Variants in ZSCAN1 observed in about 807,000 individuals in gnomAD.
ZSCAN1 encodes the protein zinc finger and SCAN domain containing 1.
In ZSCAN1, 23 loss-of-function variants were observed where a neutral mutation model predicts 23.8. That is an observed-to-expected ratio of 0.97 (90% CI 0.70 to 1.37). The LOEUF (loss-of-function observed/expected upper bound fraction) is 1.37. Ranked by LOEUF, ZSCAN1 falls within the 40% of genes most tolerant of loss-of-function variation. The pLI is 0.00. For synonymous variants in ZSCAN1, 236 were observed against 232.3 expected (o/e 1.02, Z -0.15); for missense variants, 575 against 554.0 (o/e 1.04, Z -0.38).
At chr19:58,051,215 G>A (rs2073856816) in intron 4 of ZSCAN1, among the ~76,000 whole-genome samples, 1 of 152,140 alleles carries the variant, frequency 6.6e-6, no homozygotes, top group South Asian at 2.1e-4. Context: ...GTGAAGTAGG[G>A]AAGAGCCTGA....
chr19:58,055,959 T>G (rs888636360), downstream of ZSCAN1, among the ~76,000 whole-genome samples: 17 of 152,084 alleles, frequency 1.1e-4, no homozygotes, highest in Non-Finnish European at 2.5e-4. Flanking sequence ...GCAAACTGCC[T>G]CCCCTCTGGG....
At position 58,045,105 on chromosome 19, in the gene ZSCAN1, C is replaced by A; in HGVS notation, c.465+4561C>A. ...CCATGGCTTCCGCCTGCTACGGATCCACACCAAGATCGCAGCACGCATGCT... is the reference window on the plus strand; with the variant it reads ...CCATGGCTTCCGCCTGCTACGGATCAACACCAAGATCGCAGCACGCATGCT... On this transcript the variant is annotated intron_variant, in intron 4 of 5. Coordinates refer to ENST00000282326, the MANE Select transcript of ZSCAN1 (RefSeq NM_182572.4). The surrounding 1 kb of genome is among the most constrained non-coding windows in gnomAD (Gnocchi z 4.3). The A allele has an allele frequency of 8.0e-7, 1 of 1,247,110 alleles. No homozygotes were observed. Among genetic ancestry groups the A allele is most frequent in the Non-Finnish European group, 1.2e-6 (1 of 849,282 alleles). The allele number at this position is 1,247,110 out of a possible 1,614,324, so 77.3% of individuals were successfully genotyped here.
At chr19:58,050,624 G>A (rs564896532) in intron 4 of ZSCAN1, among the ~76,000 whole-genome samples, 36 of 151,540 alleles carry the variant, frequency 2.4e-4, no homozygotes, top group Admixed American at 4.6e-4. Context: ...GGGTTCAAAC[G>A]ATTCTCCTGC....
intron 2 of ZSCAN1, among the ~76,000 whole-genome samples, chr19:58,036,515 CTTTTTTTT>C (rs66483587): frequency 3.2e-5 from 3 of 93,438 alleles, no homozygotes; most frequent in Non-Finnish European, 6.5e-5. Flanking sequence ...TTTTTCTTTT[CTTTTTTTT>C]TTTTTTTTTT....
intron 5 of ZSCAN1, among the ~76,000 whole-genome samples, chr19:58,052,897 C>G (rs1229659050): frequency 2.0e-5 from 3 of 151,948 alleles, no homozygotes; most frequent in Non-Finnish European, 4.4e-5. Context: ...CACGGGGTTA[C>G]CCAGAGGGCC....
At position 58,045,685 on chromosome 19, in the gene ZSCAN1, G is replaced by A. The variant is rs2073820740; in HGVS notation, c.465+5141G>A. 3.2e-6 allele frequency: 3 copies of A among 930,004 alleles called. No homozygotes were observed. The highest frequency in any genetic ancestry group is 5.4e-6 in the Non-Finnish European group (3 of 560,176). 57.6% of individuals were successfully genotyped at this position (930,004 alleles called of 1,614,324 possible). ...AGGGGTGGACAGCCTGAACGTCAAG[G>A]AGCTGCAGGCGGCATGTCGGGCACG... On this transcript the variant is annotated intron_variant, in intron 4 of 5. Transcript: ENST00000282326. The surrounding 1 kb of genome is among the most constrained non-coding windows in gnomAD (Gnocchi z 4.3).
At chr19:58,036,352 A>G (rs2073736207) in intron 2 of ZSCAN1, among the ~76,000 whole-genome samples, 1 of 152,180 alleles carries the variant, frequency 6.6e-6, no homozygotes, top group Admixed American at 6.5e-5. Flanking sequence ...GTGCCAATTT[A>G]TATTCTCACC....
Position 58,053,498 on chromosome 19 carries a change from C to T in ZSCAN1, c.674C>T (p.Ser225Phe). The stretch of plus-strand genomic sequence containing the variant: ...CCTGAGGACCTTCTCGCAGGGCCCT[C>T]CTCAGACCTGCGGGCAGAAGGGACT... The part of the protein sequence containing the change: ...DEPEDLLAGP[S>F]SDLRAEGTVI... The change falls in exon 6 of 6, where the codon TCC becomes TTC. Residue 225 changes from serine (S) to phenylalanine (F), a missense_variant. Transcript: ENST00000282326. This position sits in a 1 kb window ranked among gnomAD's most constrained non-coding sequence, Gnocchi z 5.8. 5 of 1,614,130 alleles carry T rather than the reference C, an allele frequency of 3.1e-6. No homozygotes were observed. The highest frequency in any genetic ancestry group is 4.2e-6 in the Non-Finnish European group (5 of 1,180,036).
chr19:58,051,033 C>T (rs1207212499), intron 4 of ZSCAN1, among the ~76,000 whole-genome samples: 4 of 152,126 alleles, frequency 2.6e-5, no homozygotes, highest in Admixed American at 6.5e-5. Context: ...CAGATAGGGC[C>T]CCGGGAATGT....
chr19:58,046,363 G>A lies in ZSCAN1; in HGVS notation c.465+5819G>A, dbSNP rs1371748221. ...GACTGGTGAAGAAAAATACATGGAA[G>A]GATCTAAAGCCAGCAAGAGATTGAC... On this transcript the variant is annotated intron_variant, in intron 4 of 5. Coordinates refer to ENST00000282326, the MANE Select transcript of ZSCAN1 (RefSeq NM_182572.4). 4.3e-6 allele frequency: 4 copies of A among 930,426 alleles called. No homozygotes were observed. The African/African-American group carries it at 6.5e-5, about 15-fold the overall frequency. The allele number at this position is 930,426 out of a possible 1,614,324, so 57.6% of individuals were successfully genotyped here. A position where few individuals can be genotyped will look rare whatever the true frequency, so the allele number is the denominator to read the frequency against.
rs373533895 is a variant in ZSCAN1 at position 58,053,419 on chromosome 19, C to A, written c.605-10C>A. ...CACTACAGGTGACCCATCTCCCTCG[C>A]CCTCCACAGGGTCCCGGGCCCGCTT... On this transcript the variant is annotated splice_polypyrimidine_tract_variant and intron_variant, in intron 5 of 5. Coordinates refer to ENST00000282326, the MANE Select transcript of ZSCAN1 (RefSeq NM_182572.4). This position sits in a 1 kb window ranked among gnomAD's most constrained non-coding sequence, Gnocchi z 5.8. 1.9e-6 allele frequency: 3 copies of A among 1,601,760 alleles called. No homozygotes were observed. The highest frequency in any genetic ancestry group is 2.6e-6 in the Non-Finnish European group (3 of 1,172,006).
In ZSCAN1 at chr19:58,045,918, A is replaced by G. The variant is rs754058424; in HGVS notation, c.465+5374A>G. On this transcript the variant is annotated intron_variant, in intron 4 of 5. Coordinates refer to ENST00000282326, the MANE Select transcript of ZSCAN1 (RefSeq NM_182572.4). The surrounding 1 kb of genome is among the most constrained non-coding windows in gnomAD (Gnocchi z 4.3). ...TTGTGGCAAAGGAAGCACAGGTGAA[A>G]GTGGCCGAGGTGGAGGGCAAGCAGG... 25 of 962,842 alleles carry G rather than the reference A, an allele frequency of 2.6e-5. No individual in the cohort carries two copies. The highest frequency in any genetic ancestry group is 4.1e-5 in the Non-Finnish European group (24 of 592,000). 59.6% of individuals were successfully genotyped at this position (962,842 alleles called of 1,614,324 possible). A position where few individuals can be genotyped will look rare whatever the true frequency, so the allele number is the denominator to read the frequency against.
chr19:58,042,405 C>A (rs886868606), intron 4 of ZSCAN1, among the ~76,000 whole-genome samples: 1 of 151,802 alleles, frequency 6.6e-6, no homozygotes, highest in Non-Finnish European at 1.5e-5. Flanking sequence ...CTACAGGCGC[C>A]CGCCACCTCC....
At position 58,052,606 on chromosome 19, in the gene ZSCAN1, G is replaced by T. The variant is rs747742044; in HGVS notation, c.582G>T (p.Ala194=). The change falls in exon 5 of 6, where the codon GCG becomes GCT. Residue 194 remains alanine, a synonymous_variant. Transcript: ENST00000282326. ...TGCACACCAGGGCGGAGGCCGAAGC[G>T]CCCCGCGCCCCTGGCTTGCTGGGTG... ...QSLHTRAEAE[A]PRAPGLLGSR... The T allele has an allele frequency of 3.4e-5, 55 of 1,606,480 alleles. No homozygotes were observed. The highest frequency in any genetic ancestry group is 4.4e-5 in the Non-Finnish European group (52 of 1,175,952).
chr19:58,055,269 T>C (rs2073883936), downstream of ZSCAN1, among the ~76,000 whole-genome samples: 1 of 152,124 alleles, frequency 6.6e-6, no homozygotes, highest in East Asian at 1.9e-4. Context: ...TCTCGGCCTC[T>C]GTCCCCGATG....
At chr19:58,046,192 G>A in intron 4 of ZSCAN1, 1 of 757,438 alleles carries the variant, frequency 1.3e-6, no homozygotes, top group Non-Finnish European at 2.5e-6. Context: ...GACTAAGGAG[G>A]AGATCAGCAT....
chr19:58,040,731 C>A lies in ZSCAN1; in HGVS notation c.465+187C>A, dbSNP rs916156834. Among the ~76,000 whole-genome samples, 4 of 152,184 alleles carry A rather than the reference C, an allele frequency of 2.6e-5. No homozygotes were observed. Among genetic ancestry groups the A allele is most frequent in the East Asian group, 3.8e-4 (2 of 5,196 alleles). On this transcript the variant is annotated intron_variant, in intron 4 of 5. Coordinates refer to ENST00000282326, the MANE Select transcript of ZSCAN1 (RefSeq NM_182572.4). The surrounding 1 kb of genome is among the most constrained non-coding windows in gnomAD (Gnocchi z 5.8). ...AAGCTTCCTGGGGCTCAGTGCTGGG[C>A]GAGGGCAGTCAGTGCAGCTGTGTGT...
rs377585624 is a variant in ZSCAN1, at chr19:58,053,664, G to A, written c.840G>A (p.Ser280=). The change falls in exon 6 of 6, where the codon TCG becomes TCA. Residue 280 remains serine, a synonymous_variant. Coordinates refer to ENST00000282326, the MANE Select transcript of ZSCAN1 (RefSeq NM_182572.4). This position sits in a 1 kb window ranked among gnomAD's most constrained non-coding sequence, Gnocchi z 5.8. ...CCCAAGAGGCTGTTGCAGGCATCTC[G>A]GTAGTGCCGCGTGGGCCCCGAGGTG... ...GGTQEAVAGI[S]VVPRGPRGGR... 2.4e-5 allele frequency: 39 copies of A among 1,614,178 alleles called. No individual in the cohort carries two copies. In the South Asian group the frequency reaches 2.6e-4, roughly 11 times the overall value.
intron 2 of ZSCAN1, among the ~76,000 whole-genome samples, chr19:58,037,025 CTT>C (rs775685368): frequency 8.1e-4 from 123 of 152,208 alleles, no homozygotes; most frequent in Middle Eastern, 3.4e-3. Flanking sequence ...CTTTCCCTCT[CTT>C]TTCAGAGTCT....
Sources: gnomAD v4.1 joint callset for allele counts (sites outside exome capture counted in the v4.1 genomes callset) on GRCh38, gnomAD v4.1.1 for gene constraint, Gnocchi (gnomAD v3.1) non-coding constraint, MANE v1.5 for transcripts, NCBI Gene and HGNC (gene_info 2026-07-23, HGNC 2026-07-21) for gene names.